Variants in ABCA8 observed in about 807,000 individuals in gnomAD.
ABCA8 encodes the protein ATP binding cassette subfamily A member 8, also known as ABC-type organic anion transporter ABCA8.
In ABCA8, 177 loss-of-function variants were observed where a neutral mutation model predicts 192.3. The ratio of observed to expected loss-of-function variants is 0.92; its 90% CI spans 0.81 to 1.04. The LOEUF (loss-of-function observed/expected upper bound fraction) is 1.04. ABCA8 is among the 50% of genes least tolerant of loss of function. The probability of loss-of-function intolerance (pLI) is 0.00; values close to 1 mark genes in which losing one functional copy is unlikely to be tolerated. For missense variants in ABCA8, 1,915 were observed against 1,904.8 expected, an observed-to-expected ratio of 1.01 and a Z score of -0.10; for synonymous variants, 642 against 690.2, an observed-to-expected ratio of 0.93 and a Z score of 1.09.
rs774264828 is a variant in ABCA8 at position 68,876,624 on chromosome 17, G to A, written c.4275+4C>T. The A allele has an allele frequency of 2.0e-5, 33 of 1,614,136 alleles. No individual in the cohort carries two copies. The highest frequency in any genetic ancestry group is 1.9e-4 in the African/African-American group (14 of 75,056). On this transcript the variant is annotated splice_donor_region_variant and intron_variant, in intron 34 of 39. Transcript: ENST00000586539. ...TGCAGAGCAACACCAAGCCCTGCCC[G>A]TACCTTTCTCTTTATTCCCTCTGAC...
At chr17:68,914,382 A>T (rs529390519) in intron 17 of ABCA8, among the ~76,000 whole-genome samples, 45 of 152,280 alleles carry the variant, frequency 3.0e-4, no homozygotes, top group African/African-American at 9.6e-4. Flanking sequence ...ATATGATCTT[A>T]TATTTGAAAA....
In ABCA8 at chr17:68,879,734, G is replaced by A. The variant is rs573799126; in HGVS notation, c.4038+1386C>T. The A allele has an allele frequency of 4.6e-5, 7 of 152,452 alleles. No individual in the cohort carries two copies. The East Asian group carries it at 1.4e-3, about 29-fold the overall frequency. 9.4% of individuals were successfully genotyped at this position (152,452 alleles called of 1,614,324 possible). A position where few individuals can be genotyped will look rare whatever the true frequency, so the allele number is the denominator to read the frequency against. On this transcript the variant is annotated intron_variant, in intron 32 of 39. Transcript: ENST00000586539. ...TGCTCCAATTTTGGAGCAAAGTTGT[G>A]GCCAAGCCCAGGTGCTGTTGCAACC...
At chr17:68,918,327 A>G in intron 15 of ABCA8, 100 bp downstream of exon 15, 2 of 1,489,044 alleles carry the variant, frequency 1.3e-6, no homozygotes, top group Non-Finnish European at 1.8e-6. Flanking sequence ...TATTATGAAT[A>G]TTTTATAACA....
intron 36 of ABCA8, 35 bp downstream of exon 36, chr17:68,875,579 T>G (rs1317012324): frequency 2.5e-6 from 4 of 1,608,424 alleles, no homozygotes; most frequent in Non-Finnish European, 3.4e-6. Flanking sequence ...GCAATGCACC[T>G]TGGGCTCAAG....
At chr17:68,939,270 A>ATCTTTACAAC in intron 4 of ABCA8, among the ~76,000 whole-genome samples, 1 of 152,258 alleles carries the variant, frequency 6.6e-6, no homozygotes, top group African/African-American at 2.4e-5. Flanking sequence ...TAAAGGACAT[A>ATCTTTACAAC]TGTTGTTTTT....
chr17:68,903,017 T>C lies in ABCA8; in HGVS notation c.2598-138A>G, dbSNP rs1040645628. The C allele has an allele frequency of 7.1e-6, 6 of 839,496 alleles. No individual in the cohort carries two copies. In the African/African-American group the frequency reaches 1.0e-4, roughly 14 times the overall value. 52.0% of individuals were successfully genotyped at this position (839,496 alleles called of 1,614,324 possible). On this transcript the variant is annotated intron_variant, in intron 20 of 39. Transcript: ENST00000586539. ...ACTGTCACATTTCTTGAGTATTTTG[T>C]CCTTTTACTAACTCCAAATTCAAGA...
intron 2 of ABCA8, among the ~76,000 whole-genome samples, chr17:68,948,010 C>T (rs2068460987): frequency 6.6e-6 from 1 of 152,100 alleles, no homozygotes; most frequent in Admixed American, 6.5e-5. Context: ...GTTTTCTTTT[C>T]CTGTGTTAGT....
At chr17:68,896,744 T>C (rs1358398016) in intron 21 of ABCA8, among the ~76,000 whole-genome samples, 1 of 152,196 alleles carries the variant, frequency 6.6e-6, no homozygotes, top group African/African-American at 2.4e-5. Flanking sequence ...AGAGAAGCCA[T>C]ATATTGCTTC....
chr17:68,899,593 A>T (rs2066855807), intron 21 of ABCA8, among the ~76,000 whole-genome samples: 1 of 152,138 alleles, frequency 6.6e-6, no homozygotes, highest in African/African-American at 2.4e-5. Flanking sequence ...AGAGACTCGA[A>T]ATACAAAATA....
At chr17:68,914,152 C>T (rs1044124016) in intron 17 of ABCA8, among the ~76,000 whole-genome samples, 1 of 152,040 alleles carries the variant, frequency 6.6e-6, no homozygotes, top group Non-Finnish European at 1.5e-5. Context: ...GAACATGTCT[C>T]AACAAAATAA....
intron 37 of ABCA8, among the ~76,000 whole-genome samples, chr17:68,870,324 T>C (rs2066016115): frequency 6.6e-6 from 1 of 152,200 alleles, no homozygotes; most frequent in Non-Finnish European, 1.5e-5. Context: ...AGTTCTCTTT[T>C]TGGAATCCCA....
At chr17:68,924,620 A>G in intron 11 of ABCA8, 81 bp downstream of exon 11, 1 of 1,485,066 alleles carries the variant, frequency 6.7e-7, no homozygotes, top group Non-Finnish European at 9.1e-7. Context: ...TACAGAGCAC[A>G]AAAGGGAACA....
chr17:68,875,489 A>C, intron 36 of ABCA8, 89 bp from the exon 37 acceptor site: 2 of 1,597,864 alleles, frequency 1.3e-6, no homozygotes, highest in South Asian at 2.3e-5. Context: ...GCATTGTCTC[A>C]AGGTCCCTAT....
At chr17:68,887,966 ACACAC>A (rs1260658390) in intron 24 of ABCA8, among the ~76,000 whole-genome samples, 1 of 119,176 alleles carries the variant, frequency 8.4e-6, no homozygotes. Context: ...ATATATATAC[ACACAC>A]ATATATATGG....
intron 18 of ABCA8, 138 bp downstream of exon 18, chr17:68,907,602 A>G (rs1423598414): frequency 9.4e-6 from 7 of 747,932 alleles, no homozygotes; most frequent in Middle Eastern, 4.0e-4. Flanking sequence ...TAATTCAGTT[A>G]TTGTACTATT....
At chr17:68,895,123 C>T (rs1257101651) in intron 21 of ABCA8, 110 bp from the exon 22 acceptor site, 3 of 840,478 alleles carry the variant, frequency 3.6e-6, no homozygotes, top group Non-Finnish European at 5.1e-6. Context: ...TATGGACTGT[C>T]AGGATATTTT....
chr17:68,944,358 A>ATATATATG, intron 2 of ABCA8, among the ~76,000 whole-genome samples: 1 of 104,692 alleles, frequency 9.6e-6, no homozygotes, highest in African/African-American at 3.5e-5. Context: ...ATATATATAT[A>ATATATATG]TACACATATA....
chr17:68,879,262 G>C (rs2066277178), intron 32 of ABCA8: 1 of 152,350 alleles, frequency 6.6e-6, no homozygotes, highest in African/African-American at 2.4e-5. Flanking sequence ...AAGGACAACT[G>C]TCTAATACAG....
chr17:68,953,807 T>C (rs1598306815), intron 1 of ABCA8, among the ~76,000 whole-genome samples: 1 of 152,204 alleles, frequency 6.6e-6, no homozygotes, highest in African/African-American at 2.4e-5. Context: ...AACTGTGATG[T>C]GCTACTACTC....
Sources: gnomAD v4.1 joint callset for allele counts (sites outside exome capture counted in the v4.1 genomes callset) on GRCh38, gnomAD v4.1.1 for gene constraint, MANE v1.5 for transcripts, NCBI Gene and HGNC (gene_info 2026-07-23, HGNC 2026-07-21) for gene names.